NAPEPLD: variants seen among roughly 807,000 people sequenced by gnomAD.
NAPEPLD encodes N-acyl-phosphatidylethanolamine-hydrolyzing phospholipase D.
NAPEPLD carries 23 observed loss-of-function variants against 38.1 expected under a neutral mutation model. The observed-to-expected ratio is 0.60, with a 90% CI of 0.43 to 0.86. NAPEPLD has a LOEUF of 0.86. NAPEPLD is among the 40% of genes least tolerant of loss of function. NAPEPLD has a pLI of 0.00. For missense variants in NAPEPLD, 411 were observed against 476.8 expected, an observed-to-expected ratio of 0.86 and a Z score of 1.28; for synonymous variants, 147 against 162.0, an observed-to-expected ratio of 0.91 and a Z score of 0.71.
chr7:103,103,822 T>G (rs902433284), intron 4 of NAPEPLD, among the ~76,000 whole-genome samples: 55 of 152,174 alleles, frequency 3.6e-4, no homozygotes, highest in African/African-American at 1.2e-3. Flanking sequence ...CATCACTGGA[T>G]TGCATGAAAT....
intron 1 of NAPEPLD, chr7:103,141,710 C>T: frequency 2.3e-6 from 2 of 876,630 alleles, no homozygotes; most frequent in Non-Finnish European, 4.0e-6. Flanking sequence ...CTTACCTATG[C>T]CCATATGCCT....
intron 1 of NAPEPLD, among the ~76,000 whole-genome samples, chr7:103,134,601 G>A (rs1203258813): frequency 6.6e-6 from 1 of 152,088 alleles, no homozygotes; most frequent in African/African-American, 2.4e-5. Flanking sequence ...AGTGAGCCGA[G>A]ATTCCAGCCT....
At chr7:103,148,738 A>C in intron 1 of NAPEPLD, 73 bp downstream of exon 1, 1 of 825,492 alleles carries the variant, frequency 1.2e-6, no homozygotes, top group African/African-American at 1.9e-5. Context: ...ACTATAGATG[A>C]AGCAACAATA....
rs1281648648 is a variant in NAPEPLD, at chr7:103,101,038, A to G, written c.*2391T>C. 1 of 152,230 alleles carries G rather than the reference A, an allele frequency of 6.6e-6. No individual in the cohort carries two copies. Among genetic ancestry groups the G allele is most frequent in the Non-Finnish European group, 1.5e-5 (1 of 68,048 alleles). The allele number at this position is 152,230 out of a possible 1,614,324, so 9.4% of individuals were successfully genotyped here. ...GTGAATACAAAATAATGTTAAGGCC[A>G]TTCATGGAGAAGAAATACTTAAGCA... On this transcript the variant is annotated 3_prime_UTR_variant, in exon 5 of 5. Transcript: ENST00000465647.
intron 4 of NAPEPLD, among the ~76,000 whole-genome samples, chr7:103,106,014 G>A (rs1803259938): frequency 6.6e-6 from 1 of 151,888 alleles, no homozygotes; most frequent in African/African-American, 2.4e-5. Context: ...ACAGAAGGTG[G>A]GTGATTTCTG....
chr7:103,143,112 C>T (rs534961605), intron 1 of NAPEPLD, among the ~76,000 whole-genome samples: 156 of 151,990 alleles, frequency 1.0e-3, no homozygotes, highest in Non-Finnish European at 2.0e-3. Context: ...CAAAAATTAG[C>T]CAGGTGTGGC....
chr7:103,146,755 G>A (rs767126193), intron 1 of NAPEPLD, among the ~76,000 whole-genome samples: 4 of 151,980 alleles, frequency 2.6e-5, no homozygotes, highest in Non-Finnish European at 4.4e-5. Flanking sequence ...CTCCACTTTC[G>A]CTTCATTGGA....
At chr7:103,108,236 G>A (rs1327460805) in intron 4 of NAPEPLD, among the ~76,000 whole-genome samples, 4 of 148,800 alleles carry the variant, frequency 2.7e-5, no homozygotes, top group Non-Finnish European at 4.4e-5. Flanking sequence ...TCCACCTCCC[G>A]GGTTCAAGCA....
At chr7:103,149,639 C>T (rs1209041490), upstream of NAPEPLD, 9 of 397,258 alleles carry the variant, frequency 2.3e-5, no homozygotes, top group Non-Finnish European at 2.0e-5. Context: ...AAGGAAGCGC[C>T]TGGGAGCACG....
intron 1 of NAPEPLD, chr7:103,141,833 T>C: frequency 1.0e-6 from 1 of 954,308 alleles, no homozygotes; most frequent in Non-Finnish European, 1.7e-6. Flanking sequence ...CTGACGGGAG[T>C]TGGCATTGGT....
rs374468226 is a variant in NAPEPLD, at chr7:103,128,717, T to C, written c.60A>G (p.Ala20=). Residue 20 remains alanine, a synonymous_variant, in exon 2 of 5, where the codon GCA becomes GCG. Transcript: ENST00000465647. ...GTGCTGAATTTTGACGTTTTCTTAC[T>C]GCTTCTTTAGGATATTGGCTGCTTG... is the stretch of plus-strand genomic sequence containing the variant. The part of the protein sequence containing the change: ...LMTSSQYPKE[A]VRKRQNSARN... 27 of 1,614,230 alleles carry C rather than the reference T, an allele frequency of 1.7e-5. No individual in the cohort carries two copies. In the African/African-American group the frequency reaches 2.5e-4, roughly 15 times the overall value.
At chr7:103,149,237 C>A, upstream of NAPEPLD, 1 of 995,884 alleles carries the variant, frequency 1.0e-6, no homozygotes, top group Non-Finnish European at 1.2e-6. Context: ...CGCGGGCGCG[C>A]GGCCAGAGCG....
chr7:103,140,387 C>CTTTTTTTTTTTTTTTTTTTTTTTTTT (rs377763676), intron 1 of NAPEPLD, among the ~76,000 whole-genome samples: 1 of 92,622 alleles, frequency 1.1e-5, no homozygotes, highest in African/African-American at 4.3e-5. Flanking sequence ...TCACAGAACT[C>CTTTTTTTTTTTTTTTTTTTTTTTTTT]TTTTTTTTTT....
intron 1 of NAPEPLD, among the ~76,000 whole-genome samples, chr7:103,140,540 C>T (rs1811052163): frequency 6.6e-6 from 1 of 151,816 alleles, no homozygotes; most frequent in East Asian, 1.9e-4. Flanking sequence ...CTACAGGAGC[C>T]CGCCACCACG....
chr7:103,114,413 T>A (rs1454649192), intron 4 of NAPEPLD, among the ~76,000 whole-genome samples: 1 of 152,156 alleles, frequency 6.6e-6, no homozygotes, highest in East Asian at 1.9e-4. Flanking sequence ...AGTCAATGTT[T>A]ACTGAATATA....
chr7:103,148,721 G>A, intron 1 of NAPEPLD, 90 bp downstream of exon 1: 1 of 748,542 alleles, frequency 1.3e-6, no homozygotes, highest in Non-Finnish European at 1.6e-6. Flanking sequence ...ATTTTTAGAA[G>A]ATAAACACTA....
At chr7:103,135,102 G>A (rs773964037) in intron 1 of NAPEPLD, among the ~76,000 whole-genome samples, 1 of 152,174 alleles carries the variant, frequency 6.6e-6, no homozygotes, top group South Asian at 2.1e-4. Context: ...CATTCCCAGA[G>A]TAGACATTTA....
chr7:103,104,228 T>G (rs1371769641), intron 4 of NAPEPLD, among the ~76,000 whole-genome samples: 1 of 152,138 alleles, frequency 6.6e-6, no homozygotes, highest in Non-Finnish European at 1.5e-5. Flanking sequence ...CTAATGGATA[T>G]CCAAGTGGAG....
At chr7:103,110,564 T>C (rs1272226262) in intron 4 of NAPEPLD, among the ~76,000 whole-genome samples, 1 of 152,162 alleles carries the variant, frequency 6.6e-6, no homozygotes, top group East Asian at 1.9e-4. Context: ...AACTAGGTAT[T>C]AATGGAACAT....
Sources: gnomAD v4.1 joint callset for allele counts (sites outside exome capture counted in the v4.1 genomes callset) on GRCh38, gnomAD v4.1.1 for gene constraint, MANE v1.5 for transcripts, NCBI Gene and HGNC (gene_info 2026-07-23, HGNC 2026-07-21) for gene names.